The following PTPRG variants were observed in gnomAD, a reference collection of about 807,000 sequenced individuals.
PTPRG encodes protein tyrosine phosphatase receptor type G.
A neutral mutation model predicts 165.3 loss-of-function variants in PTPRG; 102 were observed. The ratio of observed to expected loss-of-function variants is 0.62; its 90% CI spans 0.53 to 0.73. The LOEUF (loss-of-function observed/expected upper bound fraction) is 0.73, where lower values mean the gene tolerates loss of function less well. Among genes scored for constraint, PTPRG ranks in the 30% least tolerant of loss-of-function variants. PTPRG has a pLI of 0.00. For missense variants in PTPRG, 1,866 were observed against 1,861.4 expected (o/e 1.00, Z -0.05); for synonymous variants, 675 against 669.5 (o/e 1.01, Z -0.13).
At chr3:61,737,342 G>A (rs2032757284) in intron 1 of PTPRG, among the ~76,000 whole-genome samples, 1 of 152,074 alleles carries the variant, frequency 6.6e-6, no homozygotes, top group African/African-American at 2.4e-5. Context: ...GCTCCAAGAG[G>A]GCAGGAACGG....
At chr3:61,902,360 G>A (rs966806663) in intron 2 of PTPRG, among the ~76,000 whole-genome samples, 5 of 152,194 alleles carry the variant, frequency 3.3e-5, no homozygotes, top group African/African-American at 1.2e-4. Flanking sequence ...GGAGGGAGAA[G>A]CAGGTGCTTG....
chr3:61,964,223 T>G (rs988138068), intron 2 of PTPRG, among the ~76,000 whole-genome samples: 2 of 152,240 alleles, frequency 1.3e-5, no homozygotes, highest in Non-Finnish European at 2.9e-5. Context: ...CTGTAATCAC[T>G]AAAGTGGTTT....
intron 2 of PTPRG, among the ~76,000 whole-genome samples, chr3:61,945,871 G>C (rs1350732406): frequency 6.6e-6 from 1 of 152,184 alleles, no homozygotes; most frequent in African/African-American, 2.4e-5. Flanking sequence ...GGCTATTTCT[G>C]TCCCATTAGG....
chr3:62,015,203 CAG>C (rs1389090007), intron 4 of PTPRG, among the ~76,000 whole-genome samples: 5 of 152,208 alleles, frequency 3.3e-5, no homozygotes, highest in African/African-American at 9.6e-5. Flanking sequence ...CTGTGGAGGG[CAG>C]AGTGTCCTGG....
chr3:61,685,582 G>T (rs2107133816), intron 1 of PTPRG, among the ~76,000 whole-genome samples: 1 of 152,290 alleles, frequency 6.6e-6, no homozygotes, highest in East Asian at 1.9e-4. Context: ...CCTTGGCTGG[G>T]GAAGAGCTTT....
Position 62,219,059 on chromosome 3 carries a change from C to A in PTPRG, c.2288+76C>A. 6.4e-7 allele frequency: 1 copy of A among 1,551,126 alleles called. No homozygotes were observed. Among genetic ancestry groups the A allele is most frequent in the South Asian group, 1.2e-5 (1 of 83,182 alleles). On this transcript the variant is annotated intron_variant, in intron 13 of 29. Transcript: ENST00000474889. This position sits in a 1 kb window ranked among gnomAD's most constrained non-coding sequence, Gnocchi z 4.5. ...GGTTTTGCTCACGGGAGGGGAATCCCACGGCCTCTGCATTCAGGAAGGTGA... is the reference window on the plus strand; with the variant it reads ...GGTTTTGCTCACGGGAGGGGAATCCAACGGCCTCTGCATTCAGGAAGGTGA...
At chr3:61,969,133 T>C (rs2040333537) in intron 2 of PTPRG, among the ~76,000 whole-genome samples, 1 of 152,186 alleles carries the variant, frequency 6.6e-6, no homozygotes, top group South Asian at 2.1e-4. Flanking sequence ...AGGAGTAAAA[T>C]GAAACACTAC....
At chr3:62,119,968 G>T (rs1703005452) in intron 5 of PTPRG, among the ~76,000 whole-genome samples, 1 of 151,874 alleles carries the variant, frequency 6.6e-6, no homozygotes, top group Admixed American at 6.6e-5. Context: ...TGACTCAGTG[G>T]TTCTCATCCC....
intron 1 of PTPRG, among the ~76,000 whole-genome samples, chr3:61,730,093 C>T (rs1254027475): frequency 6.6e-6 from 1 of 152,226 alleles, no homozygotes; most frequent in Non-Finnish European, 1.5e-5. Flanking sequence ...ATTTCTTTGA[C>T]TGAAGGGGTT....
rs930381171 is a variant in PTPRG at position 62,214,043 on chromosome 3, G to C, written c.2156-4808G>C. On this transcript the variant is annotated intron_variant, in intron 12 of 29. Transcript: ENST00000474889. The surrounding 1 kb of genome is among the most constrained non-coding windows in gnomAD (Gnocchi z 5.2). The stretch of plus-strand genomic sequence containing the variant: ...AAGAAAGTGTCTCTACCAAAAAAAA[G>C]AGGGAAAAAGCAGTATGATACAGTC... Among the ~76,000 whole-genome samples, 10 of 152,118 alleles carry C rather than the reference G, an allele frequency of 6.6e-5. No individual in the cohort carries two copies. Among genetic ancestry groups the C allele is most frequent in the African/African-American group, 2.2e-4 (9 of 41,430 alleles).
chr3:61,969,819 G>T (rs754278382), intron 2 of PTPRG, among the ~76,000 whole-genome samples: 5 of 152,110 alleles, frequency 3.3e-5, no homozygotes, highest in Non-Finnish European at 7.3e-5. Context: ...GGGATACAGC[G>T]ATAATGATTT....
intron 9 of PTPRG, among the ~76,000 whole-genome samples, 183 bp downstream of exon 9, chr3:62,191,836 GC>G (rs985520128): frequency 1.3e-5 from 2 of 152,180 alleles, no homozygotes; most frequent in African/African-American, 4.8e-5. Flanking sequence ...GATGGAGCCT[GC>G]CTGGGCGCCA....
At chr3:61,800,411 A>G (rs1479197065) in intron 2 of PTPRG, among the ~76,000 whole-genome samples, 1 of 152,068 alleles carries the variant, frequency 6.6e-6, no homozygotes, top group African/African-American at 2.4e-5. Flanking sequence ...TTTAGTAGGT[A>G]CAAGAACTTG....
At chr3:61,894,334 A>AG (rs2038295498) in intron 2 of PTPRG, among the ~76,000 whole-genome samples, 1 of 130,456 alleles carries the variant, frequency 7.7e-6, no homozygotes, top group African/African-American at 2.8e-5. Context: ...AAAAAAAAAA[A>AG]GGTCAGCTTT....
intron 1 of PTPRG, among the ~76,000 whole-genome samples, chr3:61,657,147 T>A (rs77587899): frequency 0.011 from 1,615 of 152,270 alleles, 27 homozygotes; most frequent in African/African-American, 0.037. Flanking sequence ...CAAAGGGGTA[T>A]TATTGTCTAC....
At chr3:61,600,173 AATATAT>A (rs1218233993) in intron 1 of PTPRG, among the ~76,000 whole-genome samples, 5 of 123,480 alleles carry the variant, frequency 4.0e-5, no homozygotes, top group Admixed American at 8.5e-5. Context: ...AAAAAAAAAA[AATATAT>A]ATATATATAT....
At chr3:61,568,858 A>G (rs902258011) in intron 1 of PTPRG, among the ~76,000 whole-genome samples, 1 of 151,556 alleles carries the variant, frequency 6.6e-6, no homozygotes, top group Non-Finnish European at 1.5e-5. Context: ...CAGTGAGTTG[A>G]GATTGCACCA....
At chr3:61,986,275 G>T (rs992460941) in intron 2 of PTPRG, among the ~76,000 whole-genome samples, 1 of 152,106 alleles carries the variant, frequency 6.6e-6, no homozygotes, top group Non-Finnish European at 1.5e-5. Context: ...ATAGGCATTG[G>T]AATGAAGTTG....
At chr3:61,958,746 T>C (rs1225221200) in intron 2 of PTPRG, among the ~76,000 whole-genome samples, 1 of 152,192 alleles carries the variant, frequency 6.6e-6, no homozygotes, top group Non-Finnish European at 1.5e-5. Flanking sequence ...ATATACACTT[T>C]ATAATTAATT....
Sources: allele counts gnomAD v4.1 joint callset (sites outside exome capture counted in the v4.1 genomes callset), GRCh38; gene constraint gnomAD v4.1.1; non-coding constraint Gnocchi (gnomAD v3.1); transcripts MANE v1.5; gene names NCBI Gene and HGNC (gene_info 2026-07-23, HGNC 2026-07-21).